The following PDLIM5 variants were observed in gnomAD, a reference collection of about 807,000 sequenced individuals.
PDLIM5 encodes PDZ and LIM domain protein 5.
Under a neutral mutation model 64.2 loss-of-function variants are expected in PDLIM5, and 34 were observed. The ratio of observed to expected loss-of-function variants is 0.53; its 90% CI spans 0.40 to 0.71. PDLIM5 has a LOEUF of 0.71. PDLIM5 is among the 30% of genes least tolerant of loss of function. The pLI is 0.00. For synonymous variants in PDLIM5, 253 were observed against 269.1 expected, an observed-to-expected ratio of 0.94 and a Z score of 0.59; for missense variants, 683 against 733.6, an observed-to-expected ratio of 0.93 and a Z score of 0.80.
At chr4:94,540,991 A>G (rs1296434532) in intron 3 of PDLIM5, among the ~76,000 whole-genome samples, 2 of 152,208 alleles carry the variant, frequency 1.3e-5, no homozygotes, top group African/African-American at 4.8e-5. Flanking sequence ...CATCAGAACG[A>G]TACAAACTTC....
chr4:94,494,429 C>CTTTTTTTTTTTTT (rs1261064734), intron 2 of PDLIM5, among the ~76,000 whole-genome samples: 12 of 51,598 alleles, frequency 2.3e-4, no homozygotes, highest in South Asian at 1.3e-3. Flanking sequence ...TTTTTTTTTT[C>CTTTTTTTTTTTTT]TTGTTTTTTT....
At chr4:94,615,895 T>G (rs183530849) in intron 7 of PDLIM5, among the ~76,000 whole-genome samples, 13 of 152,294 alleles carry the variant, frequency 8.5e-5, no homozygotes, top group Non-Finnish European at 1.0e-4. Flanking sequence ...GGTCAGACAT[T>G]TGAGGATGGC....
intron 9 of PDLIM5, among the ~76,000 whole-genome samples, chr4:94,644,358 A>G (rs551185830): frequency 5.9e-5 from 9 of 152,310 alleles, no homozygotes; most frequent in East Asian, 3.9e-4. Context: ...AACTACCACT[A>G]CATAGGAAAA....
intron 3 of PDLIM5, among the ~76,000 whole-genome samples, chr4:94,542,268 T>C (rs1193103004): frequency 6.7e-6 from 1 of 150,038 alleles, no homozygotes; most frequent in Non-Finnish European, 1.5e-5. Context: ...GCCGAGATCA[T>C]GCCATTGCAC....
intron 3 of PDLIM5, among the ~76,000 whole-genome samples, chr4:94,558,676 A>G (rs1469428738): frequency 6.6e-6 from 1 of 151,892 alleles, no homozygotes; most frequent in African/African-American, 2.4e-5. Flanking sequence ...ACTAAGGATT[A>G]TAATACTAAC....
intron 8 of PDLIM5, among the ~76,000 whole-genome samples, chr4:94,635,070 A>G (rs1160969019): frequency 1.3e-5 from 2 of 152,194 alleles, no homozygotes; most frequent in Non-Finnish European, 2.9e-5. Context: ...TTAAATATGA[A>G]TGTTATTCTG....
intron 3 of PDLIM5, among the ~76,000 whole-genome samples, chr4:94,536,682 C>G (rs1731348830): frequency 6.6e-6 from 1 of 152,122 alleles, no homozygotes; most frequent in East Asian, 1.9e-4. Context: ...ATTTAGAAAT[C>G]ATTTACAAGT....
rs142290311 is a variant in PDLIM5 at position 94,463,533 on chromosome 4, C to T, written c.96+8149C>T. Among the ~76,000 whole-genome samples the T allele has an allele frequency of 2.9e-3, 439 of 152,156 alleles. 1 individual carries two copies. Among genetic ancestry groups the T allele is most frequent in the African/African-American group, 0.01 (426 of 41,502 alleles). On this transcript the variant is annotated intron_variant, in intron 2 of 12. Coordinates refer to ENST00000317968, the MANE Select transcript of PDLIM5 (RefSeq NM_006457.5). ...AAGGACTTCATTCTTGTCATCTTCA[C>T]TTTGAGTAGGCTGAGAAAGAGGAGG...
In PDLIM5 at chr4:94,599,267, A is replaced by T. The variant is rs186994096; in HGVS notation, c.920+12823A>T. ...AGCAATGTAGTGGCAGTGGAGATGGAGAGCATTGGATAGGTTTGTATTTTA... is the reference window on the plus strand; with the variant it reads ...AGCAATGTAGTGGCAGTGGAGATGGTGAGCATTGGATAGGTTTGTATTTTA... On this transcript the variant is annotated intron_variant, in intron 7 of 12. Transcript: ENST00000317968. 5.9e-5 allele frequency among the ~76,000 whole-genome samples: 9 copies of T among 152,260 alleles called. No individual in the cohort carries two copies. The East Asian group carries it at 1.7e-3, about 29-fold the overall frequency.
intron 2 of PDLIM5, among the ~76,000 whole-genome samples, chr4:94,458,874 A>G (rs1039070792): frequency 6.6e-6 from 1 of 152,216 alleles, no homozygotes; most frequent in African/African-American, 2.4e-5. Context: ...GATTTCTAAC[A>G]TAAGATTGCC....
At chr4:94,570,730 C>T (rs1734736658) in intron 3 of PDLIM5, among the ~76,000 whole-genome samples, 1 of 152,130 alleles carries the variant, frequency 6.6e-6, no homozygotes, top group African/African-American at 2.4e-5. Flanking sequence ...GACAACTTTG[C>T]AATTAAAGTG....
rs139175236 is a variant in PDLIM5 at position 94,652,559 on chromosome 4, G to A, written c.1284-1901G>A. ...CTGAGAAAATTAGATGAAGGAACTC[G>A]TTGAATAGGATTGTTATTTTATAAG... On this transcript the variant is annotated intron_variant, in intron 9 of 12. Coordinates refer to ENST00000317968, the MANE Select transcript of PDLIM5 (RefSeq NM_006457.5). Among the ~76,000 whole-genome samples the A allele has an allele frequency of 5.3e-3, 804 of 151,610 alleles. 4 individuals carry two copies. Among genetic ancestry groups the A allele is most frequent in the Non-Finnish European group, 5.8e-3 (393 of 68,006 alleles).
intron 9 of PDLIM5, among the ~76,000 whole-genome samples, chr4:94,652,619 A>G (rs537814930): frequency 6.6e-6 from 1 of 152,298 alleles, no homozygotes; most frequent in South Asian, 2.1e-4. Context: ...ACCAAAAGTA[A>G]TATATTCGAT....
intron 8 of PDLIM5, among the ~76,000 whole-genome samples, chr4:94,637,820 T>G (rs376489554): frequency 6.6e-6 from 1 of 152,076 alleles, no homozygotes; most frequent in East Asian, 1.9e-4. Flanking sequence ...TCTAGCAGAA[T>G]AGGTAGAAAG....
In PDLIM5 at chr4:94,582,816, G is replaced by A. The variant is rs1053225336; in HGVS notation, c.711-2749G>A. 10 of 851,968 alleles carry A rather than the reference G, an allele frequency of 1.2e-5. 1 individual carries two copies. Among genetic ancestry groups the A allele is most frequent in the Middle Eastern group, 4.5e-4 (2 of 4,458 alleles). 52.8% of individuals were successfully genotyped at this position (851,968 alleles called of 1,614,324 possible). ...CAATTTAATACTACCAGCAAATTTT[G>A]TTAGGATTTTCTCATTATAAGAATT... is the stretch of plus-strand genomic sequence containing the variant. On this transcript the variant is annotated intron_variant, in intron 5 of 12. Coordinates refer to ENST00000317968, the MANE Select transcript of PDLIM5 (RefSeq NM_006457.5).
chr4:94,569,863 A>C (rs929942559), intron 3 of PDLIM5, among the ~76,000 whole-genome samples: 2 of 152,128 alleles, frequency 1.3e-5, no homozygotes, highest in Non-Finnish European at 2.9e-5. Context: ...TCAGGTATTT[A>C]AGTATTAATC....
intron 2 of PDLIM5, among the ~76,000 whole-genome samples, chr4:94,480,391 C>T (rs761227750): frequency 2.6e-5 from 4 of 152,134 alleles, no homozygotes; most frequent in Non-Finnish European, 5.9e-5. Context: ...TTGGTAAAAT[C>T]GGTTTTGGTA....
chr4:94,591,514 C>T (rs1388674267), intron 7 of PDLIM5, among the ~76,000 whole-genome samples: 2 of 152,178 alleles, frequency 1.3e-5, no homozygotes, highest in Admixed American at 6.5e-5. Flanking sequence ...CTTCACGTGC[C>T]AGCCCCTTCA....
chr4:94,511,173 T>C (rs1728837554), intron 2 of PDLIM5, among the ~76,000 whole-genome samples: 1 of 152,238 alleles, frequency 6.6e-6, no homozygotes, highest in Non-Finnish European at 1.5e-5. Context: ...TCAGGTTTCC[T>C]TTATACTACT....
Sources: allele counts gnomAD v4.1 joint callset (sites outside exome capture counted in the v4.1 genomes callset), GRCh38; gene constraint gnomAD v4.1.1; transcripts MANE v1.5; gene names NCBI Gene and HGNC (gene_info 2026-07-23, HGNC 2026-07-21).